ST7L: variants seen among roughly 807,000 people sequenced by gnomAD.
ST7L encodes the protein suppression of tumorigenicity 7 like.
ST7L carries 57 observed loss-of-function variants against 72.5 expected under a neutral mutation model. That is an observed-to-expected ratio of 0.79 (90% CI 0.64 to 0.98). The LOEUF is 0.98. ST7L is among the 50% of genes least tolerant of loss of function. The pLI is 0.00. For synonymous variants in ST7L, 221 were observed against 240.9 expected (o/e 0.92, Z 0.77); for missense variants, 576 against 672.2 (o/e 0.86, Z 1.58).
intron 11 of ST7L, among the ~76,000 whole-genome samples, chr1:112,573,910 GTTTTTTTTTT>G (rs920123003): frequency 1.1e-5 from 1 of 91,850 alleles, no homozygotes; most frequent in Non-Finnish European, 2.0e-5. Flanking sequence ...TTCTTTTCCT[GTTTTTTTTTT>G]TTTTTTTTTT....
At chr1:112,555,613 CT>C (rs1379688309) in intron 12 of ST7L, among the ~76,000 whole-genome samples, 1 of 152,138 alleles carries the variant, frequency 6.6e-6, no homozygotes, top group Non-Finnish European at 1.5e-5. Flanking sequence ...TTTTCATTTT[CT>C]TTCCTTACAA....
At chr1:112,539,707 C>G in intron 14 of ST7L, 1 of 984,182 alleles carries the variant, frequency 1.0e-6, no homozygotes, top group Non-Finnish European at 1.2e-6. Context: ...TGGAAACTGC[C>G]CATACCACAG....
At chr1:112,535,215 A>T (rs905552969) in intron 14 of ST7L, among the ~76,000 whole-genome samples, 1 of 151,992 alleles carries the variant, frequency 6.6e-6, no homozygotes. Flanking sequence ...TCTACCAAAA[A>T]TACAAAAATT....
At chr1:112,567,639 A>G (rs6693880) in intron 11 of ST7L, among the ~76,000 whole-genome samples, 32,730 of 152,006 alleles carry the variant, frequency 0.22, 3,737 homozygotes, top group Middle Eastern at 0.26. Flanking sequence ...TGCTATGTGA[A>G]AAAAATTCAT....
chr1:112,540,519 G>A (rs1655936226), intron 14 of ST7L: 1 of 985,274 alleles, frequency 1.0e-6, no homozygotes, highest in East Asian at 1.1e-4. Context: ...CTGAACAACA[G>A]TGGAAAGTCA....
chr1:112,542,804 CTT>C lies in ST7L; in HGVS notation c.1490-716_1490-715del, dbSNP rs1335705976. ...ATAAATAAATACATTTGAGTTGCTA[CTT>C]TTTTTTTTGAAGAAGAAGAGTCTCG... On this transcript the variant is annotated intron_variant, in intron 13 of 14. Coordinates refer to ENST00000358039, the MANE Select transcript of ST7L (RefSeq NM_017744.5). Among the ~76,000 whole-genome samples, 763 of 147,248 alleles carry C rather than the reference CTT, an allele frequency of 5.2e-3. 3 individuals are homozygous for C. The highest frequency in any genetic ancestry group is 0.01 in the African/African-American group (423 of 40,292).
At chr1:112,544,324 A>G (rs996973063) in intron 13 of ST7L, among the ~76,000 whole-genome samples, 3 of 152,256 alleles carry the variant, frequency 2.0e-5, no homozygotes, top group African/African-American at 4.8e-5. Flanking sequence ...TTCAACAGCT[A>G]TATTTTAATT....
chr1:112,617,704 GTCTTTCTC>G (rs1350821600), intron 1 of ST7L, among the ~76,000 whole-genome samples: 1 of 121,090 alleles, frequency 8.3e-6, no homozygotes, highest in African/African-American at 3.8e-5. Context: ...GACTCTGTCT[GTCTTTCTC>G]TCTCTCACAC....
rs374679582 is a variant in ST7L, at chr1:112,618,951, C to T, written c.163G>A (p.Ala55Thr). The change falls in exon 1 of 15, where the codon GCC (alanine) becomes ACC (threonine). Residue 55 changes from alanine (A) to threonine (T), a missense_variant. Physicochemically the swap from Ala to Thr is moderately conservative, Grantham distance 58 (BLOSUM62 0). This residue lies in a region of ST7L where 511 missense variants were observed against 600.7 expected (regional missense o/e 0.85). Transcript: ENST00000358039. The part of the protein sequence containing the change: ...WFVAGLGLLY[A>T]LRIPLRLCEN... ...CACAGCCTCAAAGGGATCCTCAGGG[C>T]GTAAAGCAGCCCCAGCCCCGCCACG... The T allele has an allele frequency of 1.3e-6, 2 of 1,591,100 alleles. No individual in the cohort carries two copies. Among genetic ancestry groups the T allele is most frequent in the South Asian group, 1.1e-5 (1 of 88,288 alleles).
chr1:112,541,928 C>A (rs1409385414), intron 14 of ST7L, 23 bp downstream of exon 14: 1 of 1,611,002 alleles, frequency 6.2e-7, no homozygotes, highest in Non-Finnish European at 8.5e-7. Flanking sequence ...ATAATCTACA[C>A]AAGTCCTTGA....
At chr1:112,598,595 T>TA (rs554437335) in intron 4 of ST7L, among the ~76,000 whole-genome samples, 37 of 132,458 alleles carry the variant, frequency 2.8e-4, no homozygotes, top group African/African-American at 5.4e-4. Context: ...ATTTTTTAAC[T>TA]AAAAAAAAAA....
At chr1:112,578,220 A>G in intron 10 of ST7L, 125 bp downstream of exon 10, 9 of 941,338 alleles carry the variant, frequency 9.6e-6, no homozygotes, top group East Asian at 2.5e-5. Context: ...TAAAAGCCCA[A>G]GAAGATCCAG....
At chr1:112,588,595 A>G (rs2101927909) in intron 6 of ST7L, among the ~76,000 whole-genome samples, 1 of 152,242 alleles carries the variant, frequency 6.6e-6, no homozygotes, top group Non-Finnish European at 1.5e-5. Flanking sequence ...ATTTCCATAT[A>G]TTTATCATGA....
rs531048417 is a variant in ST7L, at chr1:112,546,628, T to A, written c.1489+3973A>T. Among the ~76,000 whole-genome samples, 43 of 152,288 alleles carry A rather than the reference T, an allele frequency of 2.8e-4. 1 individual carries two copies. In the South Asian group the frequency reaches 8.3e-3, roughly 29 times the overall value. The stretch of plus-strand genomic sequence containing the variant: ...ACAGAGAGATATACAAATAACTGAT[T>A]CCTGGAAATCCTAATGGCTTTCTAG... On this transcript the variant is annotated intron_variant, in intron 13 of 14. Coordinates refer to ENST00000358039, the MANE Select transcript of ST7L (RefSeq NM_017744.5).
At chr1:112,613,177 C>A (rs1669335879) in intron 2 of ST7L, among the ~76,000 whole-genome samples, 2 of 151,870 alleles carry the variant, frequency 1.3e-5, no homozygotes, top group Non-Finnish European at 1.5e-5. Context: ...CTTCCCTTCA[C>A]CATACAAAGT....
At chr1:112,555,018 T>G (rs1296745771) in intron 12 of ST7L, among the ~76,000 whole-genome samples, 1 of 152,120 alleles carries the variant, frequency 6.6e-6, no homozygotes. Context: ...GTATAGAATT[T>G]CAGTTTGGGA....
At chr1:112,551,138 C>CGTTTTTT (rs1658066336) in intron 12 of ST7L, among the ~76,000 whole-genome samples, 1 of 77,208 alleles carries the variant, frequency 1.3e-5, no homozygotes, top group African/African-American at 6.3e-5. Flanking sequence ...ATGAGCAGAT[C>CGTTTTTT]TTTTTTTTTT....
chr1:112,518,826 C>T (rs963179006), downstream of ST7L, among the ~76,000 whole-genome samples: 4 of 152,158 alleles, frequency 2.6e-5, no homozygotes, highest in African/African-American at 9.7e-5. Flanking sequence ...AATATGGAGC[C>T]AGGAATTCCC....
chr1:112,574,377 A>G (rs1662708802), intron 11 of ST7L, among the ~76,000 whole-genome samples: 1 of 151,604 alleles, frequency 6.6e-6, no homozygotes, highest in Non-Finnish European at 1.5e-5. Flanking sequence ...AAGAAAAAAA[A>G]AGCCAGACGC....
Sources: gnomAD v4.1 joint callset for allele counts (sites outside exome capture counted in the v4.1 genomes callset) on GRCh38, gnomAD v4.1.1 for gene constraint, gnomAD v4.1.1 regional missense constraint, MANE v1.5 for transcripts, NCBI Gene and HGNC (gene_info 2026-07-23, HGNC 2026-07-21) for gene names.